Variants in GPRC5D observed in about 807,000 individuals in gnomAD.
GPRC5D encodes G protein-coupled receptor class C group 5 member D.
A neutral mutation model predicts 29.3 loss-of-function variants in GPRC5D; 20 were observed. That is an observed-to-expected ratio of 0.68 (90% CI 0.48 to 0.99). The LOEUF (loss-of-function observed/expected upper bound fraction) is 0.99, where lower values mean the gene tolerates loss of function less well. Ranked by LOEUF, GPRC5D falls within the 50% of genes least tolerant of loss-of-function variation. GPRC5D has a pLI of 0.00. For missense variants in GPRC5D, 384 were observed against 423.6 expected (o/e 0.91, Z 0.82); for synonymous variants, 178 against 171.3 (o/e 1.04, Z -0.30).
intron 1 of GPRC5D, among the ~76,000 whole-genome samples, chr12:12,944,039 C>T (rs1038694450): frequency 1.3e-5 from 2 of 152,088 alleles, no homozygotes; most frequent in African/African-American, 2.4e-5. Context: ...AGCAGAGTCT[C>T]GGAGCCTGGG....
intron 1 of GPRC5D, among the ~76,000 whole-genome samples, chr12:12,942,559 A>AC (rs964836638): frequency 4.6e-5 from 7 of 152,062 alleles, no homozygotes; most frequent in Non-Finnish European, 1.0e-4. Flanking sequence ...ACATGGCAAA[A>AC]CCCCGTCTTC....
chr12:12,947,776 T>C (rs1863390404), intron 1 of GPRC5D, among the ~76,000 whole-genome samples: 2 of 152,140 alleles, frequency 1.3e-5, no homozygotes, highest in African/African-American at 4.8e-5. Flanking sequence ...AGGCTGGTCT[T>C]AAACTCCTGA....
At chr12:12,941,970 C>T (rs1235337373) in intron 2 of GPRC5D, among the ~76,000 whole-genome samples, 2 of 152,228 alleles carry the variant, frequency 1.3e-5, no homozygotes, top group Non-Finnish European at 2.9e-5. Flanking sequence ...CTGCTCTTCA[C>T]CTTCACACAG....
chr12:12,944,949 T>C (rs11055168), intron 1 of GPRC5D, among the ~76,000 whole-genome samples: 89 of 8,436 alleles, frequency 0.011, 6 homozygotes, highest in South Asian at 0.075. Flanking sequence ...CTTTCTTTCC[T>C]TTTCTTTCCT....
intron 2 of GPRC5D, 35 bp downstream of exon 3, chr12:12,942,226 G>A (rs1265650424): frequency 7.4e-7 from 1 of 1,357,986 alleles, no homozygotes; most frequent in Admixed American, 1.7e-5. Context: ...TGCTTGCTAA[G>A]TCCCTCCTGG....
At chr12:12,942,151 G>A in intron 2 of GPRC5D, 110 bp downstream of exon 3, 2 of 775,902 alleles carry the variant, frequency 2.6e-6, no homozygotes, top group South Asian at 3.2e-5. Flanking sequence ...CTCCTGCTCT[G>A]TCTCTCCTCT....
At chr12:12,951,219 A>G (rs1330446535), upstream of GPRC5D, among the ~76,000 whole-genome samples, 1 of 152,218 alleles carries the variant, frequency 6.6e-6, no homozygotes, top group Non-Finnish European at 1.5e-5. Flanking sequence ...TGGGTGGTCC[A>G]TGCTGGGCAC....
intron 1 of GPRC5D, among the ~76,000 whole-genome samples, chr12:12,944,850 C>CTTCTTTCTTTCTTTCTTTCTTTCTTTCT (rs57581481): frequency 1.5e-4 from 5 of 34,478 alleles, no homozygotes; most frequent in African/African-American, 4.0e-4. Context: ...TCCTTCCTTC[C>CTTCTTTCTTTCTTTCTTTCTTTCTTTCT]TTCTTTCTTT....
exon 1 of GPRC5D, chr12:12,950,140 A>T (rs148271148): frequency 1.9e-6 from 3 of 1,614,064 alleles, no homozygotes; most frequent in Non-Finnish European, 1.7e-6. Context: ...ATTGAGCTCG[A>T]TGATGAAGGC....
intron 2 of GPRC5D, among the ~76,000 whole-genome samples, chr12:12,941,685 C>T (rs1344635466): frequency 6.6e-6 from 1 of 152,084 alleles, no homozygotes; most frequent in Admixed American, 6.6e-5. Flanking sequence ...TCTTCACAGC[C>T]CAAATGTGAA....
chr12:12,944,845 CCTTCCT>C lies in GPRC5D; in HGVS notation c.896-2523_896-2518del, dbSNP rs1565477391. On this transcript the variant is annotated intron_variant, in intron 1 of 2. Coordinates refer to ENST00000228887, the Ensembl canonical transcript of GPRC5D. ...TCCTTCCTTCCTTCCTTCCTTCCTTCCTTCCTTCTTTCTTTCTTTCTTTCTTTCTTT... is the reference window on the plus strand; with the variant it reads ...TCCTTCCTTCCTTCCTTCCTTCCTTCTCTTTCTTTCTTTCTTTCTTTCTTT... Among the ~76,000 whole-genome samples, 107 of 32,834 alleles carry C rather than the reference CCTTCCT, an allele frequency of 3.3e-3. 5 individuals carry two copies. The highest frequency in any genetic ancestry group is 5.5e-3 in the Admixed American group (11 of 1,998). 21.5% of individuals were successfully genotyped at this position (32,834 alleles called of 152,430 possible). A position where few individuals can be genotyped will look rare whatever the true frequency, so the allele number is the denominator to read the frequency against.
exon 1 of GPRC5D, chr12:12,950,268 C>T: frequency 6.2e-7 from 1 of 1,613,904 alleles, no homozygotes; most frequent in Non-Finnish European, 8.5e-7. Flanking sequence ...CTAAGAGTAG[C>T]AGAATTGTGA....
rs116970496 is a variant in GPRC5D at position 12,943,471 on chromosome 12, G to C, written c.896-1143C>G. On this transcript the variant is annotated intron_variant, in intron 1 of 2. Transcript: ENST00000228887. ...AAGAGGAATAATGACAGTCATAACA[G>C]TAAGTCTATCTCATAGGATTGCTTT... Among the ~76,000 whole-genome samples, 29 of 152,296 alleles carry C rather than the reference G, an allele frequency of 1.9e-4. No homozygotes were observed. In the East Asian group the frequency reaches 4.0e-3, roughly 21 times the overall value.
intron 1 of GPRC5D, among the ~76,000 whole-genome samples, chr12:12,949,158 C>A (rs921933909): frequency 2.6e-5 from 4 of 152,124 alleles, no homozygotes; most frequent in Non-Finnish European, 5.9e-5. Flanking sequence ...ATGGTCCAGG[C>A]CTAATTTAGG....
At chr12:12,942,426 C>T (rs1174522353) in intron 1 of GPRC5D, 98 bp from the exon 3 acceptor site, 2 of 766,400 alleles carry the variant, frequency 2.6e-6, no homozygotes, top group East Asian at 2.5e-5. Flanking sequence ...TGCAAACAGG[C>T]TCTTCACTCT....
chr12:12,942,335 G>A lies in GPRC5D; in HGVS notation c.896-7C>T. On this transcript the variant is annotated splice_polypyrimidine_tract_variant and splice_region_variant and intron_variant, in intron 1 of 2. Coordinates refer to ENST00000228887, the Ensembl canonical transcript of GPRC5D. ...GCTCCATCACTGTCTCGGGCTGAAA[G>A]CCAAAGGAGGGAAGGGCTGGGTTAG... is the stretch of plus-strand genomic sequence containing the variant. 6.2e-7 allele frequency: 1 copy of A among 1,603,796 alleles called. No homozygotes were observed. Among genetic ancestry groups the A allele is most frequent in the East Asian group, 2.2e-5 (1 of 44,836 alleles).
chr12:12,944,850 C>CTTTCT (rs1491104199), intron 1 of GPRC5D, among the ~76,000 whole-genome samples: 32 of 34,464 alleles, frequency 9.3e-4, no homozygotes, highest in African/African-American at 2.9e-3. Flanking sequence ...TCCTTCCTTC[C>CTTTCT]TTCTTTCTTT....
chr12:12,950,203 G>T (rs1469002566), exon 1 of GPRC5D: 3 of 1,613,684 alleles, frequency 1.9e-6, no homozygotes, highest in Non-Finnish European at 2.5e-6. Context: ...GAGCTGGGTG[G>T]GGAGGACATT....
rs116970496 is a variant in GPRC5D at position 12,943,471 on chromosome 12, G to A, written c.896-1143C>T. Among the ~76,000 whole-genome samples, 607 of 152,296 alleles carry A rather than the reference G, an allele frequency of 4.0e-3. 2 individuals are homozygous for A. Among genetic ancestry groups the A allele is most frequent in the Non-Finnish European group, 6.4e-3 (432 of 68,020 alleles). On this transcript the variant is annotated intron_variant, in intron 1 of 2. Transcript: ENST00000228887. ...AAGAGGAATAATGACAGTCATAACA[G>A]TAAGTCTATCTCATAGGATTGCTTT...
Sources: gnomAD v4.1 joint callset for allele counts (sites outside exome capture counted in the v4.1 genomes callset) on GRCh38, gnomAD v4.1.1 for gene constraint, MANE v1.5 for transcripts, NCBI Gene and HGNC (gene_info 2026-07-23, HGNC 2026-07-21) for gene names.